ESYT2: variants seen among roughly 807,000 people sequenced by gnomAD.
ESYT2 encodes extended synaptotagmin-2.
Under a neutral mutation model 107.2 loss-of-function variants are expected in ESYT2, and 54 were observed. The ratio of observed to expected loss-of-function variants is 0.50; its 90% CI spans 0.40 to 0.63. ESYT2 has a LOEUF of 0.63. Among genes scored for constraint, ESYT2 ranks in the 30% least tolerant of loss-of-function variants. The pLI is 0.00. For synonymous variants in ESYT2, 491 were observed against 434.1 expected, an observed-to-expected ratio of 1.13 and a Z score of -1.63; for missense variants, 1,020 against 1,094.5, an observed-to-expected ratio of 0.93 and a Z score of 0.96.
chr7:158,814,420 C>T (rs1202807409), intron 1 of ESYT2, among the ~76,000 whole-genome samples: 4 of 150,118 alleles, frequency 2.7e-5, no homozygotes, highest in African/African-American at 7.4e-5. Flanking sequence ...TTACTCGTCC[C>T]GATTACTCTC....
chr7:158,777,238 A>T (rs1012881606), intron 6 of ESYT2, among the ~76,000 whole-genome samples: 1 of 152,066 alleles, frequency 6.6e-6, no homozygotes, highest in African/African-American at 2.4e-5. Context: ...AATTCGCCTA[A>T]AATTTCAATA....
chr7:158,805,104 C>T (rs1451987088), intron 1 of ESYT2, among the ~76,000 whole-genome samples: 1 of 152,236 alleles, frequency 6.6e-6, no homozygotes, highest in African/African-American at 2.4e-5. Context: ...CAGTGGGGAT[C>T]TCTGCTCGTC....
chr7:158,766,246 C>T (rs1367174295), intron 8 of ESYT2, among the ~76,000 whole-genome samples: 2 of 152,188 alleles, frequency 1.3e-5, no homozygotes, highest in African/African-American at 4.8e-5. Context: ...GAGGAACACA[C>T]TTGGAAAACT....
chr7:158,735,398 G>A (rs1836894852), intron 21 of ESYT2, 105 bp downstream of exon 21: 1 of 848,458 alleles, frequency 1.2e-6, no homozygotes, highest in Non-Finnish European at 1.9e-6. Context: ...GACCTCGTAA[G>A]TTCGCCCCTT....
At chr7:158,749,842 G>A (rs568195277) in intron 14 of ESYT2, 119 bp from the exon 15 acceptor site, 2 of 830,560 alleles carry the variant, frequency 2.4e-6, no homozygotes, top group African/African-American at 1.7e-5. Flanking sequence ...TGATATTTAA[G>A]GGAATATCTG....
chr7:158,786,095 T>C (rs12672906), intron 6 of ESYT2, among the ~76,000 whole-genome samples: 16,431 of 152,144 alleles, frequency 0.11, 1,341 homozygotes, highest in East Asian at 0.43. Flanking sequence ...AGGAAATGAG[T>C]GACTCTGAAC....
At chr7:158,813,769 C>T (rs572507500) in intron 1 of ESYT2, among the ~76,000 whole-genome samples, 3 of 151,098 alleles carry the variant, frequency 2.0e-5, no homozygotes, top group South Asian at 4.2e-4. Context: ...AGATCAAAAA[C>T]GTTTTAAAAA....
chr7:158,828,438 C>G (rs898118755), intron 1 of ESYT2, among the ~76,000 whole-genome samples: 1 of 152,166 alleles, frequency 6.6e-6, no homozygotes, highest in African/African-American at 2.4e-5. Context: ...GGAGGAAGCG[C>G]GCGCTCCGGG....
chr7:158,755,316 G>A (rs1343911568), intron 13 of ESYT2, among the ~76,000 whole-genome samples: 1 of 152,184 alleles, frequency 6.6e-6, no homozygotes, highest in Non-Finnish European at 1.5e-5. Flanking sequence ...ATGGGTGGGG[G>A]AAAAGTTCAC....
At chr7:158,743,911 A>G (rs71547568) in intron 16 of ESYT2, 81,951 of 388,424 alleles carry the variant, frequency 0.21, 10,454 homozygotes, top group East Asian at 0.56. Context: ...CATCTCTACT[A>G]AAAATACAAA....
chr7:158,734,324 C>A (rs116871500), intron 22 of ESYT2, 72 bp from the exon 23 acceptor site: 2 of 1,611,712 alleles, frequency 1.2e-6, no homozygotes, highest in African/African-American at 1.3e-5. Context: ...AGATACGTGT[C>A]GGGTTCCACC....
intron 1 of ESYT2, among the ~76,000 whole-genome samples, chr7:158,826,615 G>C (rs1840454807): frequency 6.6e-6 from 1 of 151,594 alleles, no homozygotes; most frequent in Non-Finnish European, 1.5e-5. Context: ...GAGGTCAAGA[G>C]ATCGAGACCA....
At chr7:158,765,500 G>A (rs924589449) in intron 8 of ESYT2, among the ~76,000 whole-genome samples, 1 of 152,154 alleles carries the variant, frequency 6.6e-6, no homozygotes, top group Non-Finnish European at 1.5e-5. Flanking sequence ...TTGGAAGACC[G>A]AGGTGGGTAG....
chr7:158,766,683 C>T (rs1274607470), intron 8 of ESYT2, among the ~76,000 whole-genome samples: 1 of 152,194 alleles, frequency 6.6e-6, no homozygotes, highest in Admixed American at 6.5e-5. Flanking sequence ...TCTACTTCTA[C>T]TTCAGCGAAC....
At chr7:158,756,428 A>G (rs1204807000) in intron 13 of ESYT2, among the ~76,000 whole-genome samples, 1 of 152,240 alleles carries the variant, frequency 6.6e-6, no homozygotes, top group African/African-American at 2.4e-5. Context: ...AAAGTGAATC[A>G]CAAACTTAAT....
At chr7:158,774,726 A>G (rs1193180272) in intron 6 of ESYT2, among the ~76,000 whole-genome samples, 1 of 152,206 alleles carries the variant, frequency 6.6e-6, no homozygotes, top group Non-Finnish European at 1.5e-5. Flanking sequence ...TCTGATCACA[A>G]ATCTACATCA....
rs1055846126 is a variant in ESYT2 at position 158,828,588 on chromosome 7, G to A, written c.330+501C>T. 3.3e-5 allele frequency among the ~76,000 whole-genome samples: 5 copies of A among 152,190 alleles called. No homozygotes were observed. In the East Asian group the frequency reaches 5.8e-4, roughly 18 times the overall value. ...GCGGGACGGCGAGGGGAGGCTTCAC[G>A]AGGGCAGACGCGCCCCGGACCCGGA... On this transcript the variant is annotated intron_variant, in intron 1 of 22. Transcript: ENST00000275418.
intron 16 of ESYT2, among the ~76,000 whole-genome samples, chr7:158,746,710 C>T (rs547256128): frequency 2.0e-5 from 3 of 152,108 alleles, no homozygotes; most frequent in South Asian, 4.2e-4. Context: ...TGAACAACTG[C>T]ACAAATGCTG....
At position 158,829,162 on chromosome 7, in the gene ESYT2, C is replaced by G; in HGVS notation, c.257G>C (p.Arg86Pro). Residue 86 changes from arginine to proline, a missense_variant, in exon 1 of 23, where the codon CGC (arginine) becomes CCC (proline). Physicochemically the swap from Arg to Pro is moderately radical, Grantham distance 103 (BLOSUM62 -2). Coordinates refer to ENST00000275418, the MANE Select transcript of ESYT2 (RefSeq NM_001367773.1). ...SRGLKALRLC[R>P]ALALLEDEER... ...CTCGTCTTCCAGCAGCGCCAGCGCG[C>G]GGCACAGGCGCAGGGCCTTGAGGCC... 1 of 1,553,538 alleles carries G rather than the reference C, an allele frequency of 6.4e-7. No homozygotes were observed. Among genetic ancestry groups the G allele is most frequent in the Non-Finnish European group, 8.6e-7 (1 of 1,158,298 alleles).
Sources: allele counts gnomAD v4.1 joint callset (sites outside exome capture counted in the v4.1 genomes callset), GRCh38; gene constraint gnomAD v4.1.1; transcripts MANE v1.5; gene names NCBI Gene and HGNC (gene_info 2026-07-23, HGNC 2026-07-21).